Variants in DGKB observed in about 807,000 individuals in gnomAD.
DGKB encodes the protein 90 kDa diacylglycerol kinase.
In DGKB, 67 loss-of-function variants were observed where a neutral mutation model predicts 114.3. That is an observed-to-expected ratio of 0.59 (90% CI 0.48 to 0.72). The LOEUF is 0.72. Ranked by LOEUF, DGKB falls within the 30% of genes least tolerant of loss-of-function variation. The pLI is 0.00. For synonymous variants in DGKB, 398 were observed against 323.1 expected (o/e 1.23, Z -2.49); for missense variants, 907 against 975.2 (o/e 0.93, Z 0.93).
chr7:14,381,700 G>A (rs1819504250), intron 21 of DGKB, among the ~76,000 whole-genome samples: 2 of 152,114 alleles, frequency 1.3e-5, no homozygotes, highest in Non-Finnish European at 2.9e-5. Context: ...CCTTGCACTC[G>A]TGGGCTCAAG....
At chr7:14,217,671 G>GA (rs937456442) in intron 23 of DGKB, among the ~76,000 whole-genome samples, 18 of 149,002 alleles carry the variant, frequency 1.2e-4, no homozygotes, top group East Asian at 7.8e-4. Context: ...AGATGCAAGT[G>GA]AAAAAAAAAA....
At chr7:14,834,093 CTT>C (rs1846811145) in intron 2 of DGKB, among the ~76,000 whole-genome samples, 1 of 152,022 alleles carries the variant, frequency 6.6e-6, no homozygotes. Flanking sequence ...ACTAAGGAAA[CTT>C]GGAAAATTCT....
chr7:14,669,797 T>C (rs1410288526), intron 13 of DGKB, among the ~76,000 whole-genome samples: 2 of 152,028 alleles, frequency 1.3e-5, no homozygotes, highest in Non-Finnish European at 2.9e-5. Flanking sequence ...TGTCACATAA[T>C]CAAGCTGAAA....
intron 15 of DGKB, among the ~76,000 whole-genome samples, chr7:14,619,174 T>C (rs1194590952): frequency 2.0e-5 from 3 of 151,426 alleles, no homozygotes; most frequent in Non-Finnish European, 4.4e-5. Context: ...TTACTACACA[T>C]ATGGTATTTT....
At chr7:14,588,381 A>G (rs1253750924) in intron 17 of DGKB, among the ~76,000 whole-genome samples, 1 of 152,070 alleles carries the variant, frequency 6.6e-6, no homozygotes, top group Non-Finnish European at 1.5e-5. Context: ...CATCCCTTTG[A>G]TAAGTAGTCA....
intron 2 of DGKB, among the ~76,000 whole-genome samples, chr7:14,829,024 A>G (rs1846069949): frequency 6.6e-6 from 1 of 152,038 alleles, no homozygotes; most frequent in African/African-American, 2.4e-5. Context: ...AAAAATAGAA[A>G]TGGTTCACGA....
intron 13 of DGKB, among the ~76,000 whole-genome samples, chr7:14,638,040 A>G (rs975859618): frequency 6.6e-6 from 1 of 152,118 alleles, no homozygotes; most frequent in African/African-American, 2.4e-5. Context: ...TATTGCTTAA[A>G]TTATATTTAA....
At position 14,249,293 on chromosome 7, in the gene DGKB, C is replaced by T. The variant is rs186973825; in HGVS notation, c.2123-71142G>A. Among the ~76,000 whole-genome samples, 8 of 152,200 alleles carry T rather than the reference C, an allele frequency of 5.3e-5. No individual in the cohort carries two copies. The East Asian group carries it at 7.7e-4, about 15-fold the overall frequency. ...ATCTATGTTCATCAGGAATATGGGC[C>T]TCTAATTTTCTTTTCTTGTAGTGTT... On this transcript the variant is annotated intron_variant, in intron 23 of 25. Transcript: ENST00000402815.
chr7:14,236,519 A>G (rs1219486620), intron 23 of DGKB, among the ~76,000 whole-genome samples: 1 of 151,994 alleles, frequency 6.6e-6, no homozygotes, highest in African/African-American at 2.4e-5. Flanking sequence ...TTTCTGTTCA[A>G]CGAGAATCAA....
chr7:14,567,524 T>TTATAATTATA (rs1321438397), intron 20 of DGKB, among the ~76,000 whole-genome samples: 34 of 86,984 alleles, frequency 3.9e-4, no homozygotes, highest in Non-Finnish European at 3.1e-4. Flanking sequence ...TATTTATATA[T>TTATAATTATA]TATAATTATA....
chr7:14,201,893 C>T (rs977541015), intron 23 of DGKB, among the ~76,000 whole-genome samples: 15 of 151,844 alleles, frequency 9.9e-5, no homozygotes, highest in African/African-American at 1.9e-4. Context: ...AATAAGCATA[C>T]GTTGAATTAG....
intron 23 of DGKB, among the ~76,000 whole-genome samples, chr7:14,323,819 G>A (rs764560985): frequency 6.6e-6 from 1 of 152,112 alleles, no homozygotes; most frequent in South Asian, 2.1e-4. Flanking sequence ...TCTGGTCTTG[G>A]CATGATTATT....
intron 1 of DGKB, among the ~76,000 whole-genome samples, chr7:14,916,841 T>G (rs1019256026): frequency 6.6e-6 from 1 of 152,036 alleles, no homozygotes; most frequent in Non-Finnish European, 1.5e-5. Flanking sequence ...AGAATACACA[T>G]TCTTTTCACA....
intron 23 of DGKB, among the ~76,000 whole-genome samples, chr7:14,254,615 C>T (rs1043841379): frequency 8.5e-5 from 13 of 152,106 alleles, no homozygotes; most frequent in African/African-American, 3.1e-4. Context: ...GAAAGTACTT[C>T]TCTATATATT....
chr7:14,657,743 C>T (rs567027740), intron 13 of DGKB, among the ~76,000 whole-genome samples: 75 of 151,938 alleles, frequency 4.9e-4, no homozygotes, highest in African/African-American at 1.8e-3. Flanking sequence ...TATAACTAGC[C>T]TAGGAATAAT....
At chr7:14,367,398 T>C (rs1048367523) in intron 21 of DGKB, among the ~76,000 whole-genome samples, 3 of 151,924 alleles carry the variant, frequency 2.0e-5, no homozygotes. Flanking sequence ...CGAGATCTGA[T>C]GGTTTCATAA....
intron 20 of DGKB, among the ~76,000 whole-genome samples, chr7:14,499,366 T>G (rs1347895205): frequency 1.3e-5 from 2 of 151,836 alleles, no homozygotes; most frequent in Non-Finnish European, 3.0e-5. Context: ...ATATGGTTAA[T>G]TTTGCAGTAT....
intron 23 of DGKB, among the ~76,000 whole-genome samples, chr7:14,282,125 A>C (rs1271449453): frequency 1.5e-5 from 1 of 64,530 alleles, no homozygotes; most frequent in Non-Finnish European, 3.1e-5. Flanking sequence ...CAAGACTAAT[A>C]AAGAAAAAAA....
chr7:14,769,228 GAGAAAGAAAGAAAGAA>G lies in DGKB; in HGVS notation c.71-11513_71-11498del, dbSNP rs371117893. Among the ~76,000 whole-genome samples, 971 of 119,664 alleles carry G rather than the reference GAGAAAGAAAGAAAGAA, an allele frequency of 8.1e-3. 6 individuals are homozygous for G. Among genetic ancestry groups the G allele is most frequent in the African/African-American group, 9.4e-3 (291 of 30,814 alleles). The allele number at this position is 119,664 out of a possible 152,430, so 78.5% of individuals were successfully genotyped here. ...GAAAGGAAAGAAAGAGAAAGAGAGA[GAGAAAGAAAGAAAGAA>G]AGAAAGAAAGAAAGAAAGAAAGAAA... On this transcript the variant is annotated intron_variant, in intron 2 of 25. Transcript: ENST00000402815.
Sources: allele counts gnomAD v4.1 joint callset (sites outside exome capture counted in the v4.1 genomes callset), GRCh38; gene constraint gnomAD v4.1.1; transcripts MANE v1.5; gene names NCBI Gene and HGNC (gene_info 2026-07-23, HGNC 2026-07-21).